The following PDE1C variants were observed in gnomAD, a reference collection of about 807,000 sequenced individuals.
The protein encoded by PDE1C is phosphodiesterase 1C.
Under a neutral mutation model 93.1 loss-of-function variants are expected in PDE1C, and 62 were observed. The ratio of observed to expected loss-of-function variants is 0.67; its 90% CI spans 0.54 to 0.82. The LOEUF is 0.82. Ranked by LOEUF, PDE1C falls within the 40% of genes least tolerant of loss-of-function variation. The pLI is 0.00. For synonymous variants in PDE1C, 325 were observed against 310.1 expected (o/e 1.05, Z -0.50); for missense variants, 742 against 884.6 (o/e 0.84, Z 2.04).
chr7:32,243,747 G>A (rs35035345), intron 1 of PDE1C, among the ~76,000 whole-genome samples: 21 of 152,200 alleles, frequency 1.4e-4, no homozygotes, highest in Non-Finnish European at 2.9e-4. Context: ...TGCATGTAAA[G>A]GTGGAGTATA....
intron 2 of PDE1C, among the ~76,000 whole-genome samples, chr7:31,896,386 C>G (rs532432194): frequency 6.6e-6 from 1 of 152,204 alleles, no homozygotes; most frequent in African/African-American, 2.4e-5. Context: ...AAGATTCCTA[C>G]TCTCGGACTT....
At chr7:31,674,196 A>T in the PDE1C span, among the ~76,000 whole-genome samples, 1 of 152,052 alleles carries the variant, frequency 6.6e-6, no homozygotes, top group Non-Finnish European at 1.5e-5. Context: ...CACTGTTCTG[A>T]TTTTTTTCAT....
intron 3 of PDE1C, among the ~76,000 whole-genome samples, chr7:32,169,513 C>T (rs1239043565): frequency 1.3e-5 from 2 of 152,146 alleles, no homozygotes; most frequent in African/African-American, 4.8e-5. Flanking sequence ...ATTCAAATTG[C>T]CAACATCAGT....
chr7:32,267,679 G>T (rs1436952666), intron 1 of PDE1C, among the ~76,000 whole-genome samples: 2 of 148,982 alleles, frequency 1.3e-5, no homozygotes, highest in Admixed American at 6.7e-5. Flanking sequence ...CTCTTCTCTA[G>T]CACCCCTGGC....
chr7:31,858,946 C>G (rs1458567794), intron 7 of PDE1C, among the ~76,000 whole-genome samples: 1 of 151,456 alleles, frequency 6.6e-6, no homozygotes, highest in Non-Finnish European at 1.5e-5. Context: ...ACATATGAAA[C>G]TTTAGTGGGA....
At chr7:32,215,821 C>T (rs1245701099) in intron 1 of PDE1C, among the ~76,000 whole-genome samples, 1 of 152,228 alleles carries the variant, frequency 6.6e-6, no homozygotes, top group African/African-American at 2.4e-5. Flanking sequence ...AGCATAAACA[C>T]AGCTGGAGTC....
chr7:32,258,069 TG>T (rs1809934624), intron 1 of PDE1C, among the ~76,000 whole-genome samples: 1 of 152,178 alleles, frequency 6.6e-6, no homozygotes, highest in African/African-American at 2.4e-5. Context: ...AGCAGATGAA[TG>T]GAATAGTACC....
intron 2 of PDE1C, among the ~76,000 whole-genome samples, chr7:31,968,347 C>T: frequency 6.6e-6 from 1 of 152,004 alleles, no homozygotes. Context: ...CATGAGTGAA[C>T]TCCCATTCAC....
chr7:32,054,535 G>T (rs1793806977), intron 1 of PDE1C, among the ~76,000 whole-genome samples: 1 of 152,052 alleles, frequency 6.6e-6, no homozygotes, highest in African/African-American at 2.4e-5. Context: ...TATCCCAAGG[G>T]CATGCACGTT....
the PDE1C span, among the ~76,000 whole-genome samples, chr7:31,650,294 G>A: frequency 6.6e-6 from 1 of 152,308 alleles, no homozygotes; most frequent in East Asian, 1.9e-4. Flanking sequence ...TCTCAGTCAG[G>A]CTTTTTATTG....
intron 2 of PDE1C, among the ~76,000 whole-genome samples, chr7:32,029,684 T>C (rs1790016682): frequency 6.6e-6 from 1 of 152,086 alleles, no homozygotes; most frequent in African/African-American, 2.4e-5. Context: ...GATTCCCACA[T>C]TCAATGACTT....
At chr7:32,210,010 T>C (rs1008540) in intron 1 of PDE1C, among the ~76,000 whole-genome samples, 30,237 of 152,124 alleles carry the variant, frequency 0.2, 3,773 homozygotes, top group African/African-American at 0.35. Context: ...AATAAAAAGC[T>C]GGCTTTATGT....
At chr7:32,361,249 G>C (rs987741162) in intron 1 of PDE1C, among the ~76,000 whole-genome samples, 3 of 152,186 alleles carry the variant, frequency 2.0e-5, no homozygotes, top group Non-Finnish European at 2.9e-5. Flanking sequence ...CCTATCTGCA[G>C]TCTTTCACGG....
chr7:31,775,650 T>C lies in PDE1C; in HGVS notation c.1960+14A>G. ...TGTGGTCACTAAGATAATGGTGCAA[T>C]GCTGTTTACCCACCTGGCAACGTAA... On this transcript the variant is annotated intron_variant, in intron 17 of 17. Transcript: ENST00000396191. 1 of 1,609,986 alleles carries C rather than the reference T, an allele frequency of 6.2e-7. No individual in the cohort carries two copies. Among genetic ancestry groups the C allele is most frequent in the Non-Finnish European group, 8.5e-7 (1 of 1,177,420 alleles).
At chr7:32,018,588 C>T (rs980619544) in intron 2 of PDE1C, among the ~76,000 whole-genome samples, 2 of 152,024 alleles carry the variant, frequency 1.3e-5, no homozygotes, top group Non-Finnish European at 2.9e-5. Flanking sequence ...TGTATTGTCC[C>T]ATTTATATGA....
At chr7:32,087,617 G>A (rs754383553) in intron 3 of PDE1C, among the ~76,000 whole-genome samples, 9 of 152,208 alleles carry the variant, frequency 5.9e-5, no homozygotes, top group Non-Finnish European at 1.3e-4. Flanking sequence ...TCCAACCATG[G>A]TAGACTGGAT....
At chr7:31,802,172 G>A (rs181508608) in intron 16 of PDE1C, among the ~76,000 whole-genome samples, 19 of 151,206 alleles carry the variant, frequency 1.3e-4, no homozygotes, top group Admixed American at 7.3e-4. Flanking sequence ...CCTTGTTCTG[G>A]ATTAATTATT....
intron 17 of PDE1C, among the ~76,000 whole-genome samples, chr7:31,759,095 A>G (rs1794668805): frequency 6.6e-6 from 1 of 152,206 alleles, no homozygotes; most frequent in Non-Finnish European, 1.5e-5. Flanking sequence ...TTGTGGAAAT[A>G]CTTATATGGC....
At chr7:31,726,035 C>CA in the PDE1C span, among the ~76,000 whole-genome samples, 3 of 152,248 alleles carry the variant, frequency 2.0e-5, no homozygotes, top group Admixed American at 2.0e-4. Context: ...TATTTGTTTT[C>CA]ACGTGACTTT....
Sources: gnomAD v4.1 joint callset for allele counts (sites outside exome capture counted in the v4.1 genomes callset) on GRCh38, gnomAD v4.1.1 for gene constraint, MANE v1.5 for transcripts, NCBI Gene and HGNC (gene_info 2026-07-23, HGNC 2026-07-21) for gene names.